The following AFAP1 variants were observed in gnomAD, a reference collection of about 807,000 sequenced individuals.
The protein encoded by AFAP1 is actin filament-associated protein 1.
Under a neutral mutation model 93.9 loss-of-function variants are expected in AFAP1, and 75 were observed. That is an observed-to-expected ratio of 0.80 (90% CI 0.66 to 0.97). The LOEUF (loss-of-function observed/expected upper bound fraction) is 0.97. AFAP1 is among the 50% of genes least tolerant of loss of function. The pLI, the probability that AFAP1 is intolerant of heterozygous loss-of-function variation, is 0.00. For missense variants in AFAP1, 1,201 were observed against 1,050.8 expected, an observed-to-expected ratio of 1.14 and a Z score of -1.98; for synonymous variants, 517 against 430.7, an observed-to-expected ratio of 1.20 and a Z score of -2.48.
chr4:7,781,504 CAGG>C lies in AFAP1; in HGVS notation c.1651_1653del (p.Pro551del). 6.4e-7 allele frequency: 1 copy of C among 1,552,232 alleles called. No homozygotes were observed. Among genetic ancestry groups the C allele is most frequent in the Admixed American group, 2.0e-5 (1 of 51,004 alleles). ...GACAGCCTAGAGGCCTTTCTGTCAG[CAGG>C]AGAGTAGCGGGCAAAGATGTGCGGA... On this transcript the variant is annotated inframe_deletion, in exon 13 of 18. Coordinates refer to ENST00000420658, the MANE Select transcript of AFAP1 (RefSeq NM_001134647.2).
At chr4:7,864,167 ACAG>A (rs1716141237) in intron 3 of AFAP1, among the ~76,000 whole-genome samples, 1 of 125,722 alleles carries the variant, frequency 8.0e-6, no homozygotes, top group Non-Finnish European at 1.7e-5. Context: ...ATCACAACCC[ACAG>A]GTCCTTTGTA....
chr4:7,932,100 C>T (rs6814861), intron 1 of AFAP1, among the ~76,000 whole-genome samples: 3,746 of 152,064 alleles, frequency 0.025, 143 homozygotes, highest in African/African-American at 0.084. Context: ...CCTCGTGATC[C>T]ACCCTCCTAG....
At chr4:7,867,952 A>G (rs1160522445) in intron 3 of AFAP1, among the ~76,000 whole-genome samples, 1 of 152,330 alleles carries the variant, frequency 6.6e-6, no homozygotes, top group East Asian at 1.9e-4. Flanking sequence ...GCAAACACAG[A>G]AAGAGAATTG....
chr4:7,824,782 T>C (rs923159566), intron 6 of AFAP1, among the ~76,000 whole-genome samples: 1 of 151,632 alleles, frequency 6.6e-6, no homozygotes, highest in Admixed American at 6.6e-5. Context: ...TGGCGAGAAA[T>C]TGGTTAATGG....
chr4:7,858,011 A>T (rs1260412587), intron 3 of AFAP1, among the ~76,000 whole-genome samples: 1 of 152,262 alleles, frequency 6.6e-6, no homozygotes, highest in African/African-American at 2.4e-5. Flanking sequence ...AAGGATGTTC[A>T]ATAAAAGTTT....
intron 9 of AFAP1, among the ~76,000 whole-genome samples, chr4:7,802,971 A>C (rs1180330828): frequency 3.3e-5 from 5 of 152,204 alleles, no homozygotes; most frequent in South Asian, 4.1e-4. Flanking sequence ...ACCTCTACTT[A>C]AAAAGAGAAT....
At chr4:7,793,851 G>A (rs774955431) in intron 10 of AFAP1, 25 bp from the exon 11 acceptor site, 2 of 1,501,196 alleles carry the variant, frequency 1.3e-6, no homozygotes, top group Admixed American at 1.9e-5. Context: ...AAAAAGGTAG[G>A]CTGTATTTAA....
intron 1 of AFAP1, among the ~76,000 whole-genome samples, chr4:7,915,476 C>CT (rs976276870): frequency 1.2e-4 from 11 of 92,842 alleles, no homozygotes; most frequent in Non-Finnish European, 1.2e-4. Flanking sequence ...AAAACCCCAT[C>CT]TAAAAAAAAA....
At chr4:7,874,660 G>A (rs922427542) in intron 1 of AFAP1, among the ~76,000 whole-genome samples, 16 of 146,832 alleles carry the variant, frequency 1.1e-4, no homozygotes, top group African/African-American at 3.8e-4. Flanking sequence ...TGGGATTACA[G>A]GCATGAGCCA....
At chr4:7,804,682 G>T (rs1263686773) in intron 9 of AFAP1, among the ~76,000 whole-genome samples, 1 of 152,288 alleles carries the variant, frequency 6.6e-6, no homozygotes, top group East Asian at 1.9e-4. Flanking sequence ...ACGTTTCCAT[G>T]TATTTATTCT....
chr4:7,810,276 T>A (rs1719893833), intron 8 of AFAP1, among the ~76,000 whole-genome samples: 1 of 152,186 alleles, frequency 6.6e-6, no homozygotes, highest in African/African-American at 2.4e-5. Flanking sequence ...AAGGACCACA[T>A]GGAGATCTAA....
intron 1 of AFAP1, among the ~76,000 whole-genome samples, chr4:7,893,580 C>CAAAA (rs11331784): frequency 0.083 from 8,792 of 105,752 alleles, 663 homozygotes; most frequent in East Asian, 0.38. Flanking sequence ...GACTCTGTCT[C>CAAAA]AAAAAAAAAA....
chr4:7,857,595 A>G (rs796181895), intron 3 of AFAP1, among the ~76,000 whole-genome samples: 4 of 152,328 alleles, frequency 2.6e-5, no homozygotes, highest in African/African-American at 9.6e-5. Context: ...ACAGAACCTG[A>G]TACATGGGGC....
At chr4:7,843,501 C>A (rs1159710126) in intron 4 of AFAP1, 151 bp from the exon 5 acceptor site, 3 of 746,512 alleles carry the variant, frequency 4.0e-6, no homozygotes, top group Admixed American at 6.2e-5. Context: ...AAAACAAAAA[C>A]AAAAATAAAA....
chr4:7,803,842 C>T (rs1054253879), intron 9 of AFAP1, among the ~76,000 whole-genome samples: 3 of 152,166 alleles, frequency 2.0e-5, no homozygotes, highest in Non-Finnish European at 4.4e-5. Context: ...ATGCAATTAT[C>T]GTAATACCCC....
At chr4:7,881,764 G>C (rs555699493) in intron 1 of AFAP1, among the ~76,000 whole-genome samples, 29 of 149,604 alleles carry the variant, frequency 1.9e-4, no homozygotes, top group Non-Finnish European at 4.2e-4. Context: ...CTGGGCGACA[G>C]AGTGAGACTC....
chr4:7,914,190 G>C (rs1719931039), intron 1 of AFAP1, among the ~76,000 whole-genome samples: 1 of 151,900 alleles, frequency 6.6e-6, no homozygotes, highest in South Asian at 2.1e-4. Context: ...TGGTAGCTGG[G>C]GTTACAGGCA....
At chr4:7,782,894 G>C (rs1190487197) in intron 12 of AFAP1, among the ~76,000 whole-genome samples, 1 of 152,122 alleles carries the variant, frequency 6.6e-6, no homozygotes, top group African/African-American at 2.4e-5. Flanking sequence ...GTTTCATAAT[G>C]ACAACCTAGC....
intron 6 of AFAP1, among the ~76,000 whole-genome samples, chr4:7,827,311 C>G (rs149997107): frequency 1.8e-4 from 28 of 152,088 alleles, no homozygotes; most frequent in African/African-American, 6.5e-4. Context: ...GTGGCTCATG[C>G]CTGTCATCCC....
Sources: allele counts gnomAD v4.1 joint callset (sites outside exome capture counted in the v4.1 genomes callset), GRCh38; gene constraint gnomAD v4.1.1; transcripts MANE v1.5; gene names NCBI Gene and HGNC (gene_info 2026-07-23, HGNC 2026-07-21).